The following GALNTL6 variants were observed in gnomAD, a reference collection of about 807,000 sequenced individuals.
GALNTL6 encodes polypeptide N-acetylgalactosaminyltransferase-like 6.
Under a neutral mutation model 73.7 loss-of-function variants are expected in GALNTL6, and 46 were observed. The observed-to-expected ratio is 0.62, with a 90% confidence interval of 0.49 to 0.80. The LOEUF is 0.80. GALNTL6 is among the 30% of genes least tolerant of loss of function. GALNTL6 has a pLI of 0.00. For synonymous variants in GALNTL6, 259 were observed against 263.7 expected (o/e 0.98, Z 0.17); for missense variants, 604 against 755.0 (o/e 0.80, Z 2.34).
intron 5 of GALNTL6, among the ~76,000 whole-genome samples, chr4:172,799,854 T>C (rs767675634): frequency 6.6e-6 from 1 of 152,078 alleles, no homozygotes; most frequent in East Asian, 1.9e-4. Context: ...TAGCCAAAGG[T>C]GAAAGCAACC....
chr4:172,691,736 G>A (rs1040308292), intron 5 of GALNTL6, among the ~76,000 whole-genome samples: 3 of 152,190 alleles, frequency 2.0e-5, no homozygotes, highest in African/African-American at 4.8e-5. Context: ...AGAGACCTAG[G>A]TCACATACAC....
At chr4:172,982,516 G>A (rs1467762737) in intron 10 of GALNTL6, among the ~76,000 whole-genome samples, 1 of 152,198 alleles carries the variant, frequency 6.6e-6, no homozygotes, top group Non-Finnish European at 1.5e-5. Context: ...TAAGACAATG[G>A]TCCTCATGAC....
At chr4:172,639,660 C>T (rs942872616) in intron 5 of GALNTL6, among the ~76,000 whole-genome samples, 3 of 152,148 alleles carry the variant, frequency 2.0e-5, no homozygotes, top group South Asian at 2.1e-4. Flanking sequence ...CCCTGTACCT[C>T]CTTATCCATT....
chr4:171,867,442 C>T (rs1416906336), intron 2 of GALNTL6, among the ~76,000 whole-genome samples: 2 of 152,200 alleles, frequency 1.3e-5, no homozygotes, highest in South Asian at 2.1e-4. Flanking sequence ...GAGTCACCAG[C>T]GATTTGTCTT....
intron 2 of GALNTL6, among the ~76,000 whole-genome samples, chr4:171,958,008 A>C (rs1285059692): frequency 2.0e-5 from 3 of 152,210 alleles, no homozygotes; most frequent in African/African-American, 7.2e-5. Flanking sequence ...ATGTTTTATG[A>C]TCAGAAAAGC....
intron 12 of GALNTL6, among the ~76,000 whole-genome samples, chr4:173,035,746 T>C (rs982694813): frequency 1.3e-4 from 20 of 152,188 alleles, no homozygotes; most frequent in African/African-American, 4.8e-4. Context: ...ATCCTTTCGG[T>C]TAAAATGGGA....
At chr4:172,365,213 G>A (rs962718983) in intron 5 of GALNTL6, among the ~76,000 whole-genome samples, 2 of 152,142 alleles carry the variant, frequency 1.3e-5, no homozygotes, top group African/African-American at 2.4e-5. Context: ...GAGTGGAGGA[G>A]TTTATTGTGG....
intron 8 of GALNTL6, among the ~76,000 whole-genome samples, chr4:172,911,176 C>T (rs1227634130): frequency 6.6e-6 from 1 of 152,236 alleles, no homozygotes; most frequent in Non-Finnish European, 1.5e-5. Flanking sequence ...GTTCATTTGA[C>T]TCCCTGGAAG....
intron 2 of GALNTL6, among the ~76,000 whole-genome samples, chr4:171,889,693 A>G (rs1404418149): frequency 6.6e-6 from 1 of 152,090 alleles, no homozygotes; most frequent in African/African-American, 2.4e-5. Context: ...ATGAGTCGCA[A>G]TGGAGAAAAA....
intron 2 of GALNTL6, among the ~76,000 whole-genome samples, chr4:172,226,520 A>AT (rs1412666658): frequency 1.3e-5 from 2 of 150,316 alleles, no homozygotes; most frequent in Non-Finnish European, 3.0e-5. Flanking sequence ...AAGAACTGTA[A>AT]TTCTCATTTC....
At chr4:171,818,870 C>T (rs1396303032) in intron 2 of GALNTL6, among the ~76,000 whole-genome samples, 5 of 151,920 alleles carry the variant, frequency 3.3e-5, no homozygotes, top group Admixed American at 2.0e-4. Flanking sequence ...TTAATCAGCC[C>T]TACACTGCAG....
chr4:172,206,013 A>C (rs983475903), intron 2 of GALNTL6, among the ~76,000 whole-genome samples: 3 of 152,202 alleles, frequency 2.0e-5, no homozygotes, highest in Admixed American at 6.5e-5. Flanking sequence ...TAGAGCAGGG[A>C]AAGAATATGT....
intron 5 of GALNTL6, among the ~76,000 whole-genome samples, chr4:172,800,108 T>TG (rs1297456584): frequency 1.3e-5 from 2 of 151,754 alleles, no homozygotes; most frequent in Admixed American, 6.6e-5. Context: ...TGCCTGAAGC[T>TG]GGGGGGGAGA....
chr4:173,013,166 T>C (rs947983954), intron 11 of GALNTL6, among the ~76,000 whole-genome samples: 1 of 152,284 alleles, frequency 6.6e-6, no homozygotes, highest in South Asian at 2.1e-4. Context: ...AGGAATGGTG[T>C]TGGACTGTTA....
At chr4:172,773,628 G>A (rs955219028) in intron 5 of GALNTL6, among the ~76,000 whole-genome samples, 1 of 138,902 alleles carries the variant, frequency 7.2e-6, no homozygotes, top group African/African-American at 2.6e-5. Flanking sequence ...TCCATTTTTT[G>A]TGCTGTTAAT....
At chr4:172,850,410 G>A (rs1743749566) in intron 7 of GALNTL6, among the ~76,000 whole-genome samples, 1 of 152,116 alleles carries the variant, frequency 6.6e-6, no homozygotes. Context: ...AGAATATATA[G>A]GGTAATAACT....
intron 5 of GALNTL6, among the ~76,000 whole-genome samples, chr4:172,748,620 C>T (rs1415033250): frequency 6.6e-6 from 1 of 152,098 alleles, no homozygotes; most frequent in South Asian, 2.1e-4. Context: ...CGGGTAGATA[C>T]AGTAAGGGGA....
intron 7 of GALNTL6, among the ~76,000 whole-genome samples, chr4:172,814,537 TG>T (rs1741494494): frequency 6.6e-6 from 1 of 152,190 alleles, no homozygotes. Flanking sequence ...TCATTAAAAT[TG>T]TTATTTTAAA....
At chr4:172,243,629 C>T (rs763616085) in intron 3 of GALNTL6, among the ~76,000 whole-genome samples, 16 of 152,152 alleles carry the variant, frequency 1.1e-4, no homozygotes, top group Admixed American at 6.6e-5. Context: ...AGTCACTAAG[C>T]GGTTTTACTA....
Sources: allele counts gnomAD v4.1 joint callset (sites outside exome capture counted in the v4.1 genomes callset), GRCh38; gene constraint gnomAD v4.1.1; transcripts MANE v1.5; gene names NCBI Gene and HGNC (gene_info 2026-07-23, HGNC 2026-07-21).